Variants in ATP8A2 observed in about 807,000 individuals in gnomAD.
ATP8A2 encodes phospholipid-transporting ATPase IB.
In ATP8A2, 100 loss-of-function variants were observed where a neutral mutation model predicts 165.6. The observed-to-expected ratio is 0.60, with a 90% CI of 0.51 to 0.71. The LOEUF is 0.71. Among genes scored for constraint, ATP8A2 ranks in the 30% least tolerant of loss-of-function variants. The pLI, the probability that ATP8A2 is intolerant of heterozygous loss-of-function variation, is 0.00. For synonymous variants in ATP8A2, 543 were observed against 548.8 expected, an observed-to-expected ratio of 0.99 and a Z score of 0.15; for missense variants, 1,227 against 1,479.5, an observed-to-expected ratio of 0.83 and a Z score of 2.80.
At chr13:25,874,863 C>A (rs1952783659) in intron 33 of ATP8A2, among the ~76,000 whole-genome samples, 1 of 151,648 alleles carries the variant, frequency 6.6e-6, no homozygotes, top group Non-Finnish European at 1.5e-5. Flanking sequence ...TATATACACA[C>A]AATGGGATGT....
chr13:25,461,707 C>G (rs537535855), intron 1 of ATP8A2, among the ~76,000 whole-genome samples: 210 of 152,084 alleles, frequency 1.4e-3, no homozygotes, highest in African/African-American at 5.0e-3. Flanking sequence ...TGATTATTTC[C>G]TTGAGATGGG....
At chr13:25,659,789 G>A (rs1885813) in intron 24 of ATP8A2, among the ~76,000 whole-genome samples, 5,239 of 152,216 alleles carry the variant, frequency 0.034, 155 homozygotes, top group East Asian at 0.13. Flanking sequence ...TGCCAGCTTT[G>A]TGATGTCATT....
chr13:25,393,909 C>T (rs1227527123), intron 1 of ATP8A2, among the ~76,000 whole-genome samples: 2 of 152,170 alleles, frequency 1.3e-5, no homozygotes, highest in Non-Finnish European at 2.9e-5. Context: ...GAATCTTGAA[C>T]ATTGATCATG....
chr13:25,710,704 T>C (rs929372907), intron 25 of ATP8A2, among the ~76,000 whole-genome samples: 6 of 152,106 alleles, frequency 3.9e-5, no homozygotes, highest in African/African-American at 1.4e-4. Context: ...GGGCTCAATC[T>C]GGTGGGAAGG....
At chr13:25,534,795 G>T (rs1448735464) in intron 6 of ATP8A2, among the ~76,000 whole-genome samples, 2 of 152,224 alleles carry the variant, frequency 1.3e-5, no homozygotes, top group African/African-American at 4.8e-5. Context: ...TCAAACTTCA[G>T]TGGGCATCCC....
intron 1 of ATP8A2, among the ~76,000 whole-genome samples, chr13:25,464,047 C>A (rs990603402): frequency 6.6e-6 from 1 of 152,196 alleles, no homozygotes; most frequent in Non-Finnish European, 1.5e-5. Flanking sequence ...GGGTGCTTAT[C>A]TCATTAGTCT....
intron 27 of ATP8A2, among the ~76,000 whole-genome samples, chr13:25,820,827 T>C (rs560052191): frequency 6.6e-6 from 1 of 152,330 alleles, no homozygotes; most frequent in African/African-American, 2.4e-5. Flanking sequence ...ATTTCACCTA[T>C]GGAAACCTTG....
chr13:25,508,528 G>A (rs563645094), intron 2 of ATP8A2, among the ~76,000 whole-genome samples: 1 of 152,146 alleles, frequency 6.6e-6, no homozygotes, highest in African/African-American at 2.4e-5. Flanking sequence ...CAAGGATTTT[G>A]CAATATTATT....
chr13:25,813,827 C>T (rs2138529195), intron 27 of ATP8A2, among the ~76,000 whole-genome samples: 1 of 152,232 alleles, frequency 6.6e-6, no homozygotes, highest in Non-Finnish European at 1.5e-5. Flanking sequence ...CAGCAGATTG[C>T]CCTCCCTAAT....
intron 30 of ATP8A2, among the ~76,000 whole-genome samples, chr13:25,857,329 T>A (rs1952196272): frequency 1.3e-5 from 2 of 152,164 alleles, no homozygotes; most frequent in Admixed American, 1.3e-4. Context: ...CAGAGCTCCC[T>A]ATCTAAAATA....
intron 24 of ATP8A2, among the ~76,000 whole-genome samples, chr13:25,651,621 C>T (rs2041815176): frequency 6.6e-6 from 1 of 151,762 alleles, no homozygotes; most frequent in Admixed American, 6.6e-5. Context: ...TTATATATTT[C>T]AGATTTTATT....
intron 2 of ATP8A2, among the ~76,000 whole-genome samples, chr13:25,480,463 C>T (rs2036146924): frequency 6.6e-6 from 1 of 151,154 alleles, no homozygotes; most frequent in South Asian, 2.1e-4. Flanking sequence ...AGAGACGCTC[C>T]TCACCTCCCA....
chr13:25,698,905 G>A (rs1006992330), intron 24 of ATP8A2, among the ~76,000 whole-genome samples: 15 of 151,914 alleles, frequency 9.9e-5, no homozygotes, highest in African/African-American at 2.7e-4. Context: ...CTATTCTAGG[G>A]GCACCAAGAA....
At chr13:25,615,018 A>G (rs1593653900) in intron 24 of ATP8A2, among the ~76,000 whole-genome samples, 1 of 152,296 alleles carries the variant, frequency 6.6e-6, no homozygotes, top group East Asian at 1.9e-4. Context: ...CTTTGGTAGT[A>G]TAGGGGGATA....
At chr13:25,747,261 C>T (rs920837639) in intron 25 of ATP8A2, among the ~76,000 whole-genome samples, 1 of 152,276 alleles carries the variant, frequency 6.6e-6, no homozygotes, top group South Asian at 2.1e-4. Flanking sequence ...AGAGCCATAG[C>T]GCTTGAGCAG....
At position 25,421,332 on chromosome 13, in the gene ATP8A2, T is replaced by C. The variant is rs547094379; in HGVS notation, c.77-47645T>C. Among the ~76,000 whole-genome samples the C allele has an allele frequency of 3.3e-5, 5 of 152,294 alleles. No individual in the cohort carries two copies. The South Asian group carries it at 1.0e-3, about 32-fold the overall frequency. ...GTGTTTCTCTAAAACTTGTAGTCTC[T>C]CCTCTTTTAAATTTTTTTTACAGTC... On this transcript the variant is annotated intron_variant, in intron 1 of 36. Coordinates refer to ENST00000381655, the MANE Select transcript of ATP8A2 (RefSeq NM_016529.6).
At chr13:25,610,628 A>AC (rs2040658893) in intron 24 of ATP8A2, among the ~76,000 whole-genome samples, 1 of 151,624 alleles carries the variant, frequency 6.6e-6, no homozygotes, top group South Asian at 2.1e-4. Flanking sequence ...GAATTTTAGG[A>AC]CTTTTTTTTC....
intron 33 of ATP8A2, among the ~76,000 whole-genome samples, chr13:25,907,633 A>C (rs2762978): frequency 6.6e-6 from 1 of 152,112 alleles, no homozygotes; most frequent in Non-Finnish European, 1.5e-5. Context: ...CGTTGATGAC[A>C]TTTTCTGAAG....
chr13:25,953,559 G>A lies in ATP8A2; in HGVS notation c.3184-8016G>A, dbSNP rs1205009936. 1.2e-4 allele frequency among the ~76,000 whole-genome samples: 17 copies of A among 140,714 alleles called. No homozygotes were observed. Among genetic ancestry groups the A allele is most frequent in the African/African-American group, 3.9e-4 (14 of 36,234 alleles). 92.3% of individuals were successfully genotyped at this position (140,714 alleles called of 152,430 possible). A position where few individuals can be genotyped will look rare whatever the true frequency, so the allele number is the denominator to read the frequency against. On this transcript the variant is annotated intron_variant, in intron 33 of 36. Coordinates refer to ENST00000381655, the MANE Select transcript of ATP8A2 (RefSeq NM_016529.6). This position sits in a 1 kb window ranked among gnomAD's most constrained non-coding sequence, Gnocchi z 6.7. ...AAAAAAAAAAAAAGCAAGGGAAATAGGCAAGACGGCCAAATAGGAACAGCT... is the reference window on the plus strand; with the variant it reads ...AAAAAAAAAAAAAGCAAGGGAAATAAGCAAGACGGCCAAATAGGAACAGCT...
Sources: allele counts gnomAD v4.1 joint callset (sites outside exome capture counted in the v4.1 genomes callset), GRCh38; gene constraint gnomAD v4.1.1; non-coding constraint Gnocchi (gnomAD v3.1); transcripts MANE v1.5; gene names NCBI Gene and HGNC (gene_info 2026-07-23, HGNC 2026-07-21).